The following GABRB3 variants were observed in gnomAD, a reference collection of about 807,000 sequenced individuals.
GABRB3 encodes gamma-aminobutyric acid receptor subunit beta-3.
GABRB3 carries 14 observed loss-of-function variants against 52.1 expected under a neutral mutation model. The observed-to-expected ratio is 0.27, with a 90% CI of 0.18 to 0.42. GABRB3 has a LOEUF of 0.42. Among genes scored for constraint, GABRB3 ranks in the 10% least tolerant of loss-of-function variants. The pLI, the probability that GABRB3 is intolerant of heterozygous loss-of-function variation, is 1.00. For missense variants in GABRB3, 307 were observed against 609.1 expected, an observed-to-expected ratio of 0.50 and a Z score of 5.22; for synonymous variants, 260 against 232.3, an observed-to-expected ratio of 1.12 and a Z score of -1.08.
intron 3 of GABRB3, among the ~76,000 whole-genome samples, chr15:26,651,895 A>G (rs1032735365): frequency 2.6e-5 from 4 of 152,188 alleles, no homozygotes; most frequent in African/African-American, 7.2e-5. Flanking sequence ...TCCCCCACAA[A>G]GCCACCTTTT....
chr15:26,615,647 C>T (rs1892226427), intron 4 of GABRB3: 3 of 677,758 alleles, frequency 4.4e-6, no homozygotes, highest in Non-Finnish European at 5.7e-6. Flanking sequence ...ACCTACGTCA[C>T]GGACAGCTCA....
intron 8 of GABRB3, among the ~76,000 whole-genome samples, chr15:26,553,829 A>G (rs914651707): frequency 5.3e-5 from 8 of 151,442 alleles, no homozygotes; most frequent in African/African-American, 1.9e-4. Flanking sequence ...TAAATAATCA[A>G]CAAGTGCATT....
At chr15:26,640,794 C>A (rs1464757429) in intron 3 of GABRB3, among the ~76,000 whole-genome samples, 1 of 152,218 alleles carries the variant, frequency 6.6e-6, no homozygotes, top group South Asian at 2.1e-4. Context: ...TAGAGATACA[C>A]TGTCCAAACC....
chr15:26,565,285 T>G (rs1304869783), intron 7 of GABRB3, among the ~76,000 whole-genome samples: 2 of 152,180 alleles, frequency 1.3e-5, no homozygotes, highest in Non-Finnish European at 2.9e-5. Context: ...CAGTCTTGTA[T>G]TGGCAGGAGG....
chr15:26,639,322 G>A (rs1220776887), intron 3 of GABRB3, among the ~76,000 whole-genome samples: 4 of 144,526 alleles, frequency 2.8e-5, no homozygotes, highest in Non-Finnish European at 6.0e-5. Context: ...GTCAAACCAA[G>A]CTCGGATGGA....
chr15:26,708,589 C>A (rs532187443), intron 3 of GABRB3, among the ~76,000 whole-genome samples: 1 of 152,070 alleles, frequency 6.6e-6, no homozygotes, highest in Non-Finnish European at 1.5e-5. Context: ...AGGGAATAGG[C>A]GATGAAGCTC....
intron 3 of GABRB3, among the ~76,000 whole-genome samples, chr15:26,722,189 G>A (rs753234272): frequency 6.6e-5 from 10 of 152,218 alleles, no homozygotes; most frequent in South Asian, 2.1e-4. Flanking sequence ...AGAACAACCC[G>A]GAGAGCTTCA....
intron 8 of GABRB3, among the ~76,000 whole-genome samples, chr15:26,558,128 T>A (rs1425429699): frequency 6.6e-6 from 1 of 152,248 alleles, no homozygotes; most frequent in Non-Finnish European, 1.5e-5. Flanking sequence ...GGAAACAGCA[T>A]GACCAAAGTG....
At chr15:26,563,853 T>G (rs1382517217) in intron 7 of GABRB3, among the ~76,000 whole-genome samples, 1 of 151,890 alleles carries the variant, frequency 6.6e-6, no homozygotes, top group Non-Finnish European at 1.5e-5. Flanking sequence ...TCAACTTATT[T>G]GTCATTTAGA....
At chr15:26,581,657 C>T (rs559752399) in intron 5 of GABRB3, among the ~76,000 whole-genome samples, 1 of 152,304 alleles carries the variant, frequency 6.6e-6, no homozygotes, top group Admixed American at 6.5e-5. Context: ...CTGCCCAGGG[C>T]TCCTGGGTCC....
chr15:26,651,823 C>T (rs1887206246), intron 3 of GABRB3, among the ~76,000 whole-genome samples: 1 of 152,194 alleles, frequency 6.6e-6, no homozygotes. Flanking sequence ...ACCATGTTAT[C>T]CCAAAATATA....
intron 6 of GABRB3, among the ~76,000 whole-genome samples, chr15:26,570,474 T>A (rs1179979165): frequency 1.3e-5 from 2 of 152,250 alleles, no homozygotes; most frequent in African/African-American, 4.8e-5. Flanking sequence ...GAAATGATGC[T>A]CACTGTCATG....
chr15:26,756,292 G>T (rs1890657817), intron 3 of GABRB3, among the ~76,000 whole-genome samples: 1 of 151,906 alleles, frequency 6.6e-6, no homozygotes, highest in African/African-American at 2.4e-5. Flanking sequence ...AGAACAGGCT[G>T]GGCATGGTGG....
At chr15:26,726,964 G>C (rs1315725811) in intron 3 of GABRB3, among the ~76,000 whole-genome samples, 1 of 152,194 alleles carries the variant, frequency 6.6e-6, no homozygotes, top group Admixed American at 6.5e-5. Context: ...TTCGAGACCA[G>C]CCTGACCAAC....
chr15:26,563,546 T>C (rs1890061857), intron 7 of GABRB3, among the ~76,000 whole-genome samples: 1 of 152,246 alleles, frequency 6.6e-6, no homozygotes, highest in South Asian at 2.1e-4. Context: ...GCTCTGCCTC[T>C]GTGGGTCTGT....
chr15:26,745,989 G>T (rs1286135408), intron 3 of GABRB3, among the ~76,000 whole-genome samples: 1 of 152,192 alleles, frequency 6.6e-6, no homozygotes, highest in Admixed American at 6.5e-5. Flanking sequence ...TGGGTTGTAA[G>T]GTAACTGCAG....
chr15:26,668,032 C>T (rs987449964), intron 3 of GABRB3, among the ~76,000 whole-genome samples: 2 of 152,114 alleles, frequency 1.3e-5, no homozygotes, highest in South Asian at 2.1e-4. Context: ...TAACACCCTG[C>T]GTAACAGTGG....
intron 3 of GABRB3, among the ~76,000 whole-genome samples, chr15:26,705,141 T>C (rs185849156): frequency 1.1e-3 from 169 of 152,302 alleles, no homozygotes; most frequent in African/African-American, 3.9e-3. Context: ...CAGAAATGTA[T>C]TCCTTCACAT....
intron 3 of GABRB3, chr15:26,666,791 C>T (rs941009871): frequency 6.6e-6 from 1 of 152,222 alleles, no homozygotes; most frequent in African/African-American, 2.4e-5. Context: ...ACACATTTAG[C>T]CAGAGTTGCT....
Sources: gnomAD v4.1 joint callset for allele counts (sites outside exome capture counted in the v4.1 genomes callset) on GRCh38, gnomAD v4.1.1 for gene constraint, MANE v1.5 for transcripts, NCBI Gene and HGNC (gene_info 2026-07-23, HGNC 2026-07-21) for gene names.